The following PLA2G4E variants were observed in gnomAD, a reference collection of about 807,000 sequenced individuals.
PLA2G4E encodes cytosolic phospholipase A2 epsilon.
A neutral mutation model predicts 109.1 loss-of-function variants in PLA2G4E; 84 were observed. That is an observed-to-expected ratio of 0.77 (90% CI 0.65 to 0.92). PLA2G4E has a LOEUF of 0.92. PLA2G4E is among the 40% of genes least tolerant of loss of function. The pLI is 0.00. For synonymous variants in PLA2G4E, 469 were observed against 436.1 expected, an observed-to-expected ratio of 1.08 and a Z score of -0.94; for missense variants, 1,057 against 1,076.6, an observed-to-expected ratio of 0.98 and a Z score of 0.25.
chr15:42,019,259 T>C (rs2068625208), intron 1 of PLA2G4E, among the ~76,000 whole-genome samples: 1 of 152,202 alleles, frequency 6.6e-6, no homozygotes, highest in Admixed American at 6.5e-5. Flanking sequence ...AGCCTCCTCA[T>C]TGGAGCTCTC....
exon 20 of PLA2G4E, chr15:41,983,051 C>G (rs1257544266): frequency 6.6e-6 from 1 of 152,302 alleles, no homozygotes; most frequent in East Asian, 1.9e-4. Context: ...CTTTGGGAGG[C>G]CGAGGCAGGT....
chr15:41,993,103 A>T (rs937993), intron 12 of PLA2G4E, 144 bp from the exon 13 acceptor site: 2 of 658,128 alleles, frequency 3.0e-6, no homozygotes, highest in Non-Finnish European at 5.1e-6. Context: ...TGAGGCAGAG[A>T]CCTGGCAGAC....
chr15:42,032,083 T>C (rs979254005), intron 1 of PLA2G4E, among the ~76,000 whole-genome samples: 4 of 152,182 alleles, frequency 2.6e-5, no homozygotes, highest in African/African-American at 7.2e-5. Flanking sequence ...CTTCCCCTCT[T>C]GCCACCCAAC....
At chr15:42,002,063 A>G (rs1755804491) in intron 6 of PLA2G4E, among the ~76,000 whole-genome samples, 1 of 152,132 alleles carries the variant, frequency 6.6e-6, no homozygotes, top group Non-Finnish European at 1.5e-5. Context: ...TAATCCCAGT[A>G]CTTTGGGAGG....
intron 12 of PLA2G4E, 121 bp from the exon 13 acceptor site, chr15:41,993,080 T>C: frequency 1.2e-6 from 1 of 826,482 alleles, no homozygotes; most frequent in Non-Finnish European, 1.9e-6. Flanking sequence ...GAGGGGAACC[T>C]GGAGAGTAGG....
At chr15:42,025,725 G>T (rs1259361589) in intron 1 of PLA2G4E, among the ~76,000 whole-genome samples, 3 of 152,186 alleles carry the variant, frequency 2.0e-5, no homozygotes, top group Non-Finnish European at 4.4e-5. Flanking sequence ...TCCTTGAAAT[G>T]CATGAGGCTA....
rs538526034 is a variant in PLA2G4E, at chr15:42,031,216, G to A, written c.184-17459C>T. On this transcript the variant is annotated intron_variant, in intron 1 of 19. Coordinates refer to ENST00000399518, the Ensembl canonical transcript of PLA2G4E. ...ACTTCTGGGCTCAAGAAATCCACCC[G>A]CCTCTTCTTCCCAAAGTGCTGGGAT... Among the ~76,000 whole-genome samples the A allele has an allele frequency of 1.1e-4, 17 of 152,242 alleles. No homozygotes were observed. The East Asian group carries it at 2.5e-3, about 23-fold the overall frequency.
chr15:41,999,512 C>T lies in PLA2G4E; in HGVS notation c.974+12G>A, dbSNP rs758830885. ...ATAAGTGAGAGGCACGGACAGAATG[C>T]GGGTACTATACCAGGGTGTAGACTT... On this transcript the variant is annotated intron_variant, in intron 10 of 19. Coordinates refer to ENST00000399518, the Ensembl canonical transcript of PLA2G4E. The T allele has an allele frequency of 4.1e-5, 64 of 1,575,586 alleles. No individual in the cohort carries two copies. The highest frequency in any genetic ancestry group is 8.1e-5 in the African/African-American group (6 of 74,024).
chr15:41,997,882 C>T (rs1334829097), intron 10 of PLA2G4E: 1 of 152,108 alleles, frequency 6.6e-6, no homozygotes, highest in Non-Finnish European at 1.5e-5. Flanking sequence ...CTGTGACATG[C>T]ACAATGCTTG....
chr15:42,021,922 A>AC (rs1487193192), intron 1 of PLA2G4E, among the ~76,000 whole-genome samples: 1 of 152,166 alleles, frequency 6.6e-6, no homozygotes, highest in Non-Finnish European at 1.5e-5. Context: ...CAGGGATGGA[A>AC]CCTGGTTGGA....
intron 1 of PLA2G4E, among the ~76,000 whole-genome samples, chr15:42,024,232 G>C (rs1001829376): frequency 1.3e-5 from 2 of 152,230 alleles, no homozygotes; most frequent in Non-Finnish European, 2.9e-5. Flanking sequence ...CAGGGTGCGG[G>C]TGCCAAAGCA....
chr15:42,049,389 C>T (rs1020397887), intron 1 of PLA2G4E, among the ~76,000 whole-genome samples: 2 of 152,204 alleles, frequency 1.3e-5, no homozygotes, highest in African/African-American at 2.4e-5. Context: ...GGCCTCATGA[C>T]CAAATCCCCT....
chr15:41,983,661 C>A, exon 20 of PLA2G4E: 1 of 1,171,898 alleles, frequency 8.5e-7, no homozygotes, highest in South Asian at 1.4e-5. Context: ...TGCCGGAGAG[C>A]AGAGCTGGCT....
intron 1 of PLA2G4E, among the ~76,000 whole-genome samples, chr15:42,023,753 C>G (rs763443625): frequency 2.6e-4 from 40 of 151,964 alleles, no homozygotes; most frequent in Non-Finnish European, 3.5e-4. Context: ...TTGGCCTCTT[C>G]TCACTGAAGA....
chr15:42,013,359 C>T (rs1298956838), intron 2 of PLA2G4E, among the ~76,000 whole-genome samples: 2 of 152,138 alleles, frequency 1.3e-5, no homozygotes, highest in Non-Finnish European at 1.5e-5. Flanking sequence ...TCTTGGAAAT[C>T]GATTCCAGGA....
chr15:42,025,394 C>T lies in PLA2G4E; in HGVS notation c.184-11637G>A, dbSNP rs148592001. On this transcript the variant is annotated intron_variant, in intron 1 of 19. Coordinates refer to ENST00000399518, the Ensembl canonical transcript of PLA2G4E. ...TCAGAGTGGGAGAGTTTATCAGAGG[C>T]TTGGACTGCTTCTGTGTCTCTTTGT... Among the ~76,000 whole-genome samples the T allele has an allele frequency of 1.5e-3, 224 of 152,140 alleles. 4 individuals carry two copies. In the East Asian group the frequency reaches 0.033, roughly 22 times the overall value.
chr15:42,020,715 G>A (rs748320968), intron 1 of PLA2G4E, among the ~76,000 whole-genome samples: 1 of 152,076 alleles, frequency 6.6e-6, no homozygotes, highest in Non-Finnish European at 1.5e-5. Flanking sequence ...TCTCAGCAGG[G>A]CCACCCAAGC....
chr15:41,987,894 CCGCCCCCCA>C (rs1329365741), intron 16 of PLA2G4E, among the ~76,000 whole-genome samples, 146 bp downstream of exon 16: 1 of 151,418 alleles, frequency 6.6e-6, no homozygotes, highest in East Asian at 1.9e-4. Flanking sequence ...AAGCCGGGGG[CCGCCCCCCA>C]TCACCCAGCC....
chr15:41,985,965 G>C, exon 18 of PLA2G4E: 1 of 1,602,964 alleles, frequency 6.2e-7, no homozygotes, highest in African/African-American at 1.3e-5. Flanking sequence ...GGTGGTTCGC[G>C]GACTCGGTCA....
Sources: gnomAD v4.1 joint callset for allele counts (sites outside exome capture counted in the v4.1 genomes callset) on GRCh38, gnomAD v4.1.1 for gene constraint, MANE v1.5 for transcripts, NCBI Gene and HGNC (gene_info 2026-07-23, HGNC 2026-07-21) for gene names.